Variants in PTPRN2 observed in about 807,000 individuals in gnomAD.
PTPRN2 encodes the protein receptor-type tyrosine-protein phosphatase N2.
A neutral mutation model predicts 118.8 loss-of-function variants in PTPRN2; 74 were observed. The ratio of observed to expected loss-of-function variants is 0.62; its 90% CI spans 0.52 to 0.76. The LOEUF (loss-of-function observed/expected upper bound fraction) is 0.76. Ranked by LOEUF, PTPRN2 falls within the 30% of genes least tolerant of loss-of-function variation. PTPRN2 has a pLI of 0.00. For synonymous variants in PTPRN2, 641 were observed against 608.0 expected (o/e 1.05, Z -0.80); for missense variants, 1,481 against 1,394.4 (o/e 1.06, Z -0.99).
At chr7:157,988,079 CTGCCTCAT>C (rs1265397366) in intron 11 of PTPRN2, among the ~76,000 whole-genome samples, 1 of 152,316 alleles carries the variant, frequency 6.6e-6, no homozygotes, top group East Asian at 1.9e-4. Context: ...AGGGTCAAAG[CTGCCTCAT>C]GCAGACGGAG....
chr7:157,611,318 G>A lies in PTPRN2; in HGVS notation c.2345-7243C>T, dbSNP rs1049687391. 6.6e-6 allele frequency among the ~76,000 whole-genome samples: 1 copy of A among 152,162 alleles called. No individual in the cohort carries two copies. Among genetic ancestry groups the A allele is most frequent in the Admixed American group, 6.5e-5 (1 of 15,284 alleles). ...ACTAGAAGGAGCCTCAAGCCCTGGGGGATTCCCATACCTGAAGCGATTTTA... is the reference window on the plus strand; with the variant it reads ...ACTAGAAGGAGCCTCAAGCCCTGGGAGATTCCCATACCTGAAGCGATTTTA... On this transcript the variant is annotated intron_variant, in intron 15 of 22. Transcript: ENST00000389418. The surrounding 1 kb of genome is among the most constrained non-coding windows in gnomAD (Gnocchi z 5.9).
At chr7:157,637,908 G>C (rs1804420824) in intron 14 of PTPRN2, among the ~76,000 whole-genome samples, 1 of 152,238 alleles carries the variant, frequency 6.6e-6, no homozygotes, top group Admixed American at 6.5e-5. Flanking sequence ...TCCAGCAAGT[G>C]CTGTAAAGGT....
chr7:158,051,959 A>G (rs1387876589), intron 11 of PTPRN2, among the ~76,000 whole-genome samples: 1 of 152,174 alleles, frequency 6.6e-6, no homozygotes, highest in Admixed American at 6.5e-5. Flanking sequence ...TTACTCATGC[A>G]TGAGGGGAGG....
chr7:158,572,402 C>T (rs1052671830), intron 1 of PTPRN2, among the ~76,000 whole-genome samples: 1 of 152,330 alleles, frequency 6.6e-6, no homozygotes, highest in South Asian at 2.1e-4. Flanking sequence ...CCCCATCTAG[C>T]GGCTGAGGAT....
intron 12 of PTPRN2, among the ~76,000 whole-genome samples, chr7:157,836,364 T>C (rs1490385364): frequency 2.0e-5 from 3 of 152,218 alleles, no homozygotes; most frequent in East Asian, 1.9e-4. Flanking sequence ...CCATTTCACA[T>C]AGTAGTTAGA....
chr7:158,149,258 C>G (rs932243833), intron 6 of PTPRN2, among the ~76,000 whole-genome samples: 2 of 152,002 alleles, frequency 1.3e-5, no homozygotes, highest in Non-Finnish European at 1.5e-5. Flanking sequence ...ACAGGGAACC[C>G]AATTTCCAAC....
intron 1 of PTPRN2, among the ~76,000 whole-genome samples, chr7:158,558,417 G>A (rs1827185096): frequency 6.6e-6 from 1 of 152,218 alleles, no homozygotes; most frequent in Admixed American, 6.5e-5. Flanking sequence ...TGAGGCCGCA[G>A]GGTGCAGCTT....
At chr7:157,782,650 AACG>A (rs1803752197) in intron 12 of PTPRN2, among the ~76,000 whole-genome samples, 1 of 152,246 alleles carries the variant, frequency 6.6e-6, no homozygotes, top group Non-Finnish European at 1.5e-5. Context: ...TCCCTGAAAG[AACG>A]ACGAGTGTCG....
In PTPRN2 at chr7:157,953,270, T is replaced by C. The variant is rs1432957555; in HGVS notation, c.1724-54533A>G. 2.0e-5 allele frequency among the ~76,000 whole-genome samples: 3 copies of C among 152,020 alleles called. No individual in the cohort carries two copies. Among genetic ancestry groups the C allele is most frequent in the Non-Finnish European group, 4.4e-5 (3 of 67,980 alleles). On this transcript the variant is annotated intron_variant, in intron 11 of 22. Transcript: ENST00000389418. This position sits in a 1 kb window ranked among gnomAD's most constrained non-coding sequence, Gnocchi z 4.6. ...TTTCGGGAAGGACAGGAGAGCCGGG[T>C]GTGAGAAGCCTCCTTCCTAGGGCCT...
In PTPRN2 at chr7:157,585,105, C is replaced by T. The variant is rs117883862; in HGVS notation, c.2497-6965G>A. Among the ~76,000 whole-genome samples the T allele has an allele frequency of 1.0e-3, 154 of 152,230 alleles. 2 individuals carry two copies. In the East Asian group the frequency reaches 0.028, roughly 28 times the overall value. On this transcript the variant is annotated intron_variant, in intron 17 of 22. Coordinates refer to ENST00000389418, the MANE Select transcript of PTPRN2 (RefSeq NM_002847.5). This position sits in a 1 kb window ranked among gnomAD's most constrained non-coding sequence, Gnocchi z 5.2. ...ATTTAGGGATGACACGATGAGGTGA[C>T]GTAGCCCACACACACGTCAGCAGTG...
intron 22 of PTPRN2, among the ~76,000 whole-genome samples, chr7:157,543,045 C>A (rs1470711751): frequency 6.6e-6 from 1 of 152,178 alleles, no homozygotes; most frequent in Non-Finnish European, 1.5e-5. Flanking sequence ...TCACCTAGAA[C>A]CATGCTCTAG....
chr7:157,792,105 C>A (rs1178855061), intron 12 of PTPRN2, among the ~76,000 whole-genome samples: 1 of 152,248 alleles, frequency 6.6e-6, no homozygotes, highest in Non-Finnish European at 1.5e-5. Flanking sequence ...ACTCTCTGGC[C>A]TTATGAAGCC....
intron 3 of PTPRN2, among the ~76,000 whole-genome samples, chr7:158,278,382 G>A (rs1236523524): frequency 6.8e-6 from 1 of 147,308 alleles, no homozygotes; most frequent in East Asian, 1.9e-4. Context: ...ACGTGAAGGT[G>A]GGCACCTGTA....
chr7:157,851,235 C>T (rs986508674), intron 12 of PTPRN2, among the ~76,000 whole-genome samples: 3 of 152,178 alleles, frequency 2.0e-5, no homozygotes, highest in African/African-American at 4.8e-5. Flanking sequence ...TATAGAGTGG[C>T]GGTTAATGCT....
At chr7:158,214,312 G>A (rs1342769875) in intron 3 of PTPRN2, among the ~76,000 whole-genome samples, 1 of 151,650 alleles carries the variant, frequency 6.6e-6, no homozygotes, top group Non-Finnish European at 1.5e-5. Flanking sequence ...AGAAGGACAT[G>A]GTGGTGGATT....
At chr7:157,651,119 G>A (rs62476828) in intron 14 of PTPRN2, among the ~76,000 whole-genome samples, 16,856 of 152,280 alleles carry the variant, frequency 0.11, 1,013 homozygotes, top group East Asian at 0.17. Context: ...CGGAAGGTGC[G>A]GCGCGACTCC....
intron 3 of PTPRN2, among the ~76,000 whole-genome samples, chr7:158,294,696 A>G (rs1016715197): frequency 9.2e-5 from 14 of 152,180 alleles, no homozygotes; most frequent in African/African-American, 3.4e-4. Context: ...CAGGAAAGAC[A>G]TCCAGCCACA....
At chr7:158,307,824 G>A (rs543718968) in intron 3 of PTPRN2, among the ~76,000 whole-genome samples, 1 of 152,190 alleles carries the variant, frequency 6.6e-6, no homozygotes, top group South Asian at 2.1e-4. Flanking sequence ...CTCATGAATG[G>A]ATTAATCCAC....
At chr7:157,857,717 A>C (rs1809824760) in intron 12 of PTPRN2, 4 of 152,256 alleles carry the variant, frequency 2.6e-5, no homozygotes, top group African/African-American at 9.6e-5. Flanking sequence ...CTGACGCGCC[A>C]CGTGTCCGTC....
Sources: allele counts gnomAD v4.1 joint callset (sites outside exome capture counted in the v4.1 genomes callset), GRCh38; gene constraint gnomAD v4.1.1; non-coding constraint Gnocchi (gnomAD v3.1); transcripts MANE v1.5; gene names NCBI Gene and HGNC (gene_info 2026-07-23, HGNC 2026-07-21).